The following ITPRID1 variants were observed in gnomAD, a reference collection of about 807,000 sequenced individuals.
The protein encoded by ITPRID1 is ITPR interacting domain containing 1.
Under a neutral mutation model 95.4 loss-of-function variants are expected in ITPRID1, and 96 were observed. That is an observed-to-expected ratio of 1.01 (90% confidence interval 0.85 to 1.19). The LOEUF is 1.19. Among genes scored for constraint, ITPRID1 ranks in the 50% most tolerant of loss-of-function variants. The pLI is 0.00. For synonymous variants in ITPRID1, 510 were observed against 453.6 expected (o/e 1.12, Z -1.58); for missense variants, 1,339 against 1,252.9 (o/e 1.07, Z -1.04).
chr7:31,543,511 A>G (rs1783997317), intron 1 of ITPRID1, among the ~76,000 whole-genome samples: 1 of 151,632 alleles, frequency 6.6e-6, no homozygotes, highest in Admixed American at 6.6e-5. Context: ...TGTTGTTTAA[A>G]TTTTCATTTT....
rs1371179209 is a variant in ITPRID1 at position 31,654,704 on chromosome 7, G to C, written c.*1875G>C. Among the ~76,000 whole-genome samples the C allele has an allele frequency of 6.6e-6, 1 of 152,166 alleles. No individual in the cohort carries two copies. The highest frequency in any genetic ancestry group is 1.5e-5 in the Non-Finnish European group (1 of 68,038). ...AGAGGCACTGGGTCTCTAAGGAATG[G>C]GGAATAGATGCAGAATGGAATAGGA... On this transcript the variant is annotated 3_prime_UTR_variant, in exon 15 of 15. Transcript: ENST00000615280.
intron 1 of ITPRID1, among the ~76,000 whole-genome samples, chr7:31,542,043 A>T (rs972692716): frequency 4.6e-5 from 7 of 152,292 alleles, no homozygotes; most frequent in African/African-American, 1.7e-4. Context: ...TAGCCTTTTA[A>T]TGTAGGTAAA....
At chr7:31,602,145 C>T (rs1238776230) in intron 10 of ITPRID1, among the ~76,000 whole-genome samples, 1 of 152,030 alleles carries the variant, frequency 6.6e-6, no homozygotes, top group African/African-American at 2.4e-5. Context: ...TGTTCTCTAG[C>T]CTTGTTTTTA....
chr7:31,647,678 A>G (rs1382753875), intron 12 of ITPRID1, among the ~76,000 whole-genome samples: 2 of 88,526 alleles, frequency 2.3e-5, no homozygotes, highest in African/African-American at 9.2e-5. Flanking sequence ...CGTCTCAAAA[A>G]AAAAAAAAAA....
At chr7:31,572,788 T>TA (rs1159007002) in intron 7 of ITPRID1, among the ~76,000 whole-genome samples, 1 of 152,186 alleles carries the variant, frequency 6.6e-6, no homozygotes, top group Non-Finnish European at 1.5e-5. Flanking sequence ...GATATGAAAA[T>TA]ATGTTTAATG....
At chr7:31,554,240 CT>C (rs1784375770) in intron 3 of ITPRID1, among the ~76,000 whole-genome samples, 1 of 151,988 alleles carries the variant, frequency 6.6e-6, no homozygotes, top group African/African-American at 2.4e-5. Context: ...CTCACATTTT[CT>C]TTCTTTTTTT....
chr7:31,566,707 G>A (rs1300338426), intron 5 of ITPRID1, among the ~76,000 whole-genome samples: 2 of 152,128 alleles, frequency 1.3e-5, no homozygotes, highest in African/African-American at 2.4e-5. Context: ...AAAATTACAC[G>A]GTGCTTGCAT....
chr7:31,651,756 G>T (rs1338051948), intron 13 of ITPRID1, among the ~76,000 whole-genome samples, 183 bp from the exon 14 acceptor site: 2 of 143,282 alleles, frequency 1.4e-5, no homozygotes, highest in African/African-American at 5.2e-5. Context: ...ATATTATACT[G>T]CAATAAAGTT....
intron 10 of ITPRID1, among the ~76,000 whole-genome samples, chr7:31,640,971 T>G (rs966818315): frequency 2.6e-5 from 4 of 152,160 alleles, no homozygotes; most frequent in Non-Finnish European, 5.9e-5. Context: ...TATACAAAAT[T>G]GAGCCATTAC....
At chr7:31,583,022 G>A (rs1282352968) in intron 9 of ITPRID1, 112 bp from the exon 10 acceptor site, 2 of 667,878 alleles carry the variant, frequency 3.0e-6, no homozygotes, top group East Asian at 2.7e-5. Flanking sequence ...TTTGAGTTCA[G>A]GAACTCATGT....
chr7:31,629,072 G>C (rs1442584065), intron 10 of ITPRID1, among the ~76,000 whole-genome samples: 1 of 151,970 alleles, frequency 6.6e-6, no homozygotes, highest in African/African-American at 2.4e-5. Flanking sequence ...GGTGGTCATG[G>C]GACATTGTTC....
intron 5 of ITPRID1, 116 bp from the exon 6 acceptor site, chr7:31,569,642 C>G (rs1784913466): frequency 2.6e-6 from 2 of 770,862 alleles, no homozygotes; most frequent in African/African-American, 1.8e-5. Context: ...GTATTTCATG[C>G]CTATATAACC....
At chr7:31,527,431 T>G (rs1783455494) in intron 1 of ITPRID1, among the ~76,000 whole-genome samples, 1 of 152,174 alleles carries the variant, frequency 6.6e-6, no homozygotes, top group South Asian at 2.1e-4. Context: ...CCTACTTTCC[T>G]ATTATAGGAT....
intron 10 of ITPRID1, among the ~76,000 whole-genome samples, chr7:31,625,006 A>G (rs1788312344): frequency 6.6e-6 from 1 of 152,248 alleles, no homozygotes; most frequent in Non-Finnish European, 1.5e-5. Context: ...TATGCAGTCA[A>G]AAAACACATG....
chr7:31,654,344 G>C lies in ITPRID1; in HGVS notation c.*1515G>C, dbSNP rs1186726111. On this transcript the variant is annotated 3_prime_UTR_variant, in exon 15 of 15. Coordinates refer to ENST00000615280, the MANE Select transcript of ITPRID1 (RefSeq NM_001257967.3). ...GTGCTGCTCAGTGCGGTGGGGCATG[G>C]AGATGGAGGGAGGGGAAGGCTGAGA... Among the ~76,000 whole-genome samples, 1 of 152,192 alleles carries C rather than the reference G, an allele frequency of 6.6e-6. No homozygotes were observed. Among genetic ancestry groups the C allele is most frequent in the Non-Finnish European group, 1.5e-5 (1 of 68,032 alleles).
At chr7:31,652,249 T>C (rs997853957) in intron 14 of ITPRID1, among the ~76,000 whole-genome samples, 199 bp downstream of exon 14, 1 of 152,180 alleles carries the variant, frequency 6.6e-6, no homozygotes, top group Admixed American at 6.5e-5. Context: ...AGAATTCAGT[T>C]CACCTGTCAT....
At chr7:31,609,349 T>C (rs940247194) in intron 10 of ITPRID1, among the ~76,000 whole-genome samples, 2 of 151,766 alleles carry the variant, frequency 1.3e-5, no homozygotes, top group South Asian at 2.1e-4. Context: ...TCCTCTCTCT[T>C]ATATCTTTTG....
intron 1 of ITPRID1, among the ~76,000 whole-genome samples, chr7:31,545,500 A>G (rs527968589): frequency 9.2e-5 from 14 of 152,302 alleles, no homozygotes; most frequent in African/African-American, 2.9e-4. Flanking sequence ...GGCTAGCAGT[A>G]GATGAATCAG....
chr7:31,621,768 A>C (rs1787924518), intron 10 of ITPRID1, among the ~76,000 whole-genome samples: 1 of 148,566 alleles, frequency 6.7e-6, no homozygotes, highest in African/African-American at 2.5e-5. Flanking sequence ...ATTAACTTTA[A>C]ATGTAAATGG....
Sources: gnomAD v4.1 joint callset for allele counts (sites outside exome capture counted in the v4.1 genomes callset) on GRCh38, gnomAD v4.1.1 for gene constraint, MANE v1.5 for transcripts, NCBI Gene and HGNC (gene_info 2026-07-23, HGNC 2026-07-21) for gene names.